ROBO2: variants seen among roughly 807,000 people sequenced by gnomAD.
ROBO2 encodes the protein roundabout guidance receptor 2.
In ROBO2, 53 loss-of-function variants were observed where a neutral mutation model predicts 160.8. That is an observed-to-expected ratio of 0.33 (90% CI 0.26 to 0.41). ROBO2 has a LOEUF of 0.41. Among genes scored for constraint, ROBO2 ranks in the 10% least tolerant of loss-of-function variants. The probability of loss-of-function intolerance (pLI) is 1.00; values close to 1 mark genes in which losing one functional copy is unlikely to be tolerated. For missense variants in ROBO2, 1,577 were observed against 1,722.4 expected (o/e 0.92, Z 1.49); for synonymous variants, 664 against 611.7 (o/e 1.09, Z -1.26).
intron 2 of ROBO2, among the ~76,000 whole-genome samples, chr3:76,576,861 A>C (rs555316046): frequency 6.6e-6 from 1 of 151,624 alleles, no homozygotes; most frequent in African/African-American, 2.4e-5. Flanking sequence ...CTTGATAATT[A>C]TTCTTCAGTA....
intron 2 of ROBO2, among the ~76,000 whole-genome samples, chr3:77,099,924 A>C (rs2071666071): frequency 6.6e-6 from 1 of 152,018 alleles, no homozygotes; most frequent in Admixed American, 6.6e-5. Context: ...TCTAAATGAA[A>C]TCTGGTCTAT....
chr3:77,057,367 G>A (rs1361496778), intron 1 of ROBO2, among the ~76,000 whole-genome samples: 6 of 151,910 alleles, frequency 3.9e-5, no homozygotes, highest in South Asian at 2.1e-4. Flanking sequence ...TGTAAATGAC[G>A]AGTTAATGGG....
intron 2 of ROBO2, among the ~76,000 whole-genome samples, chr3:75,942,260 G>T (rs1002565957): frequency 6.6e-6 from 1 of 152,062 alleles, no homozygotes; most frequent in Non-Finnish European, 1.5e-5. Context: ...TTTATGTTTT[G>T]TGAGGTTGCT....
At chr3:76,512,268 T>TTA (rs1016440581) in intron 2 of ROBO2, among the ~76,000 whole-genome samples, 115 of 148,646 alleles carry the variant, frequency 7.7e-4, no homozygotes, top group African/African-American at 2.3e-3. Context: ...ACTAATTTAC[T>TTA]TATATATATA....
chr3:76,270,964 T>C (rs557173188), intron 2 of ROBO2, among the ~76,000 whole-genome samples: 1 of 152,220 alleles, frequency 6.6e-6, no homozygotes, highest in Admixed American at 6.5e-5. Context: ...GTTTTTTCCA[T>C]GCTGAATCAA....
Position 76,179,128 on chromosome 3 carries a change from GAC to G in ROBO2, c.109+241528_109+241529del, listed in dbSNP as rs1306513434. 1.1e-4 allele frequency among the ~76,000 whole-genome samples: 17 copies of G among 152,136 alleles called. No homozygotes were observed. In the East Asian group the frequency reaches 3.3e-3, roughly 30 times the overall value. On this transcript the variant is annotated intron_variant, in intron 2 of 26. Transcript: ENST00000487694. ...AGAGCAGCTCATTCGGAATTAATGAGACATATTAATTTGTCTCATTAATAATT... is the reference window on the plus strand; with the variant it reads ...AGAGCAGCTCATTCGGAATTAATGAGATATTAATTTGTCTCATTAATAATT...
In ROBO2 at chr3:76,067,149, C is replaced by T. The variant is rs144955218; in HGVS notation, c.109+129547C>T. On this transcript the variant is annotated intron_variant, in intron 2 of 26. Transcript: ENST00000487694. ...GAGTCGGCTTTTTTGGTTTGAATCCCAGATTTGACACAAATCAGAAATGTG... is the reference window on the plus strand; with the variant it reads ...GAGTCGGCTTTTTTGGTTTGAATCCTAGATTTGACACAAATCAGAAATGTG... 5.9e-3 allele frequency among the ~76,000 whole-genome samples: 893 copies of T among 152,194 alleles called. 6 individuals are homozygous for T. The highest frequency in any genetic ancestry group is 8.3e-3 in the Non-Finnish European group (566 of 68,008).
chr3:76,887,193 C>CCTTTTTTTTTTTTTTTTTTT (rs1178064382), intron 2 of ROBO2, among the ~76,000 whole-genome samples: 2 of 120,442 alleles, frequency 1.7e-5, no homozygotes, highest in South Asian at 2.8e-4. Flanking sequence ...CTTCAGGAAG[C>CCTTTTTTTTTTTTTTTTTTT]ATTTTTTTTT....
rs558145846 is a variant in ROBO2 at position 77,172,434 on chromosome 3, A to T, written c.388+74094A>T. ...TTTTTTAAAAATGTGTTAATTACAG[A>T]ATTTGGCAAACATTATAAAGTGCAA... On this transcript the variant is annotated intron_variant, in intron 2 of 25. Transcript: ENST00000461745. Among the ~76,000 whole-genome samples, 9 of 152,312 alleles carry T rather than the reference A, an allele frequency of 5.9e-5. No homozygotes were observed. The East Asian group carries it at 1.7e-3, about 29-fold the overall frequency.
At chr3:75,992,061 TA>T (rs1473123612) in intron 2 of ROBO2, among the ~76,000 whole-genome samples, 1 of 152,088 alleles carries the variant, frequency 6.6e-6, no homozygotes, top group African/African-American at 2.4e-5. Flanking sequence ...ACACAGAGCA[TA>T]AAAGTTTGGA....
chr3:76,890,138 G>C (rs561219651), intron 2 of ROBO2, among the ~76,000 whole-genome samples: 7 of 152,256 alleles, frequency 4.6e-5, no homozygotes, highest in African/African-American at 1.7e-4. Flanking sequence ...TCTGCGTTTG[G>C]AACAGACTGT....
At chr3:77,016,729 C>T (rs2062286946) in intron 2 of ROBO2, among the ~76,000 whole-genome samples, 1 of 152,164 alleles carries the variant, frequency 6.6e-6, no homozygotes, top group African/African-American at 2.4e-5. Context: ...TTGCCCGAGG[C>T]CACACCGCCA....
intron 2 of ROBO2, among the ~76,000 whole-genome samples, chr3:76,082,645 C>T (rs1356434631): frequency 1.3e-5 from 2 of 152,096 alleles, no homozygotes; most frequent in African/African-American, 4.8e-5. Flanking sequence ...TGCCACTTTA[C>T]ATAGATTGAT....
intron 2 of ROBO2, among the ~76,000 whole-genome samples, chr3:76,444,647 C>A (rs2077081633): frequency 6.6e-6 from 1 of 152,138 alleles, no homozygotes; most frequent in African/African-American, 2.4e-5. Flanking sequence ...GGGGGAACCA[C>A]CTCCATGATT....
chr3:76,886,213 G>C (rs1445648832), intron 2 of ROBO2, among the ~76,000 whole-genome samples: 1 of 150,264 alleles, frequency 6.7e-6, no homozygotes, highest in African/African-American at 2.4e-5. Context: ...ACTTTTTCTT[G>C]AGATTCTACG....
intron 2 of ROBO2, among the ~76,000 whole-genome samples, chr3:76,942,635 G>A (rs2078266180): frequency 6.6e-6 from 1 of 152,136 alleles, no homozygotes; most frequent in Non-Finnish European, 1.5e-5. Context: ...GTAGGGAAAA[G>A]GCAGAATGGA....
At chr3:76,662,691 G>T (rs2091875449) in intron 2 of ROBO2, among the ~76,000 whole-genome samples, 1 of 152,124 alleles carries the variant, frequency 6.6e-6, no homozygotes, top group African/African-American at 2.4e-5. Context: ...CAACATGGAA[G>T]GGTCAGGAGA....
chr3:77,593,395 G>A (rs1482781154), intron 17 of ROBO2, among the ~76,000 whole-genome samples: 2 of 152,172 alleles, frequency 1.3e-5, no homozygotes, highest in East Asian at 1.9e-4. Context: ...CGGGCACAAT[G>A]TGGGACAGAT....
intron 2 of ROBO2, among the ~76,000 whole-genome samples, chr3:77,007,399 C>A (rs530958158): frequency 3.3e-5 from 5 of 152,130 alleles, no homozygotes; most frequent in South Asian, 2.1e-4. Context: ...ATATGAACAT[C>A]CATCCTCATG....
Sources: allele counts gnomAD v4.1 joint callset (sites outside exome capture counted in the v4.1 genomes callset), GRCh38; gene constraint gnomAD v4.1.1; transcripts MANE v1.5; gene names NCBI Gene and HGNC (gene_info 2026-07-23, HGNC 2026-07-21).